The following SLC43A2 variants were observed in gnomAD, a reference collection of about 807,000 sequenced individuals.
SLC43A2 encodes large neutral amino acids transporter small subunit 4.
A neutral mutation model predicts 63.2 loss-of-function variants in SLC43A2; 38 were observed. The ratio of observed to expected loss-of-function variants is 0.60; its 90% CI spans 0.46 to 0.79. The LOEUF is 0.79. Ranked by LOEUF, SLC43A2 falls within the 30% of genes least tolerant of loss-of-function variation. The probability of loss-of-function intolerance (pLI) is 0.00; values close to 1 mark genes in which losing one functional copy is unlikely to be tolerated. For missense variants in SLC43A2, 644 were observed against 756.2 expected, an observed-to-expected ratio of 0.85 and a Z score of 1.74; for synonymous variants, 322 against 331.0, an observed-to-expected ratio of 0.97 and a Z score of 0.30.
intron 13 of SLC43A2, 30 bp from the exon 14 acceptor site, chr17:1,575,795 G>A: frequency 6.3e-7 from 1 of 1,582,710 alleles, no homozygotes; most frequent in Non-Finnish European, 8.6e-7. Flanking sequence ...GCGCATCACA[G>A]GGCGTGGTGG....
At chr17:1,576,073 C>CTTTTTT (rs56013428) in intron 13 of SLC43A2, among the ~76,000 whole-genome samples, 5 of 81,532 alleles carry the variant, frequency 6.1e-5, no homozygotes, top group Non-Finnish European at 9.5e-5. Context: ...GAACTGTGTT[C>CTTTTTT]TTTTTTTTTT....
rs1290717620 is a variant in SLC43A2 at position 1,577,848 on chromosome 17, C to T, written c.1424+402G>A. ...GGACTCAGTCACCCATGTTGCTGCC[C>T]GTGATGAGGGCAACTGGAACTTCCG... On this transcript the variant is annotated intron_variant, in intron 12 of 13. Coordinates refer to ENST00000301335, the MANE Select transcript of SLC43A2 (RefSeq NM_152346.3). The surrounding 1 kb of genome is among the most constrained non-coding windows in gnomAD (Gnocchi z 4.9). Among the ~76,000 whole-genome samples the T allele has an allele frequency of 1.3e-5, 2 of 152,164 alleles. No individual in the cohort carries two copies. Among genetic ancestry groups the T allele is most frequent in the African/African-American group, 2.4e-5 (1 of 41,430 alleles).
At chr17:1,576,840 A>C in intron 12 of SLC43A2, 120 bp from the exon 13 acceptor site, 1 of 1,060,240 alleles carries the variant, frequency 9.4e-7, no homozygotes, top group Non-Finnish European at 1.3e-6. Context: ...CAGCCCTCGG[A>C]TTCCTTCCTG....
In SLC43A2 at chr17:1,586,057, G is replaced by A; in HGVS notation, c.1079-6C>T. ...GATGGAGGTGTAGAGGCCAACTGTG[G>A]AGGAAGGCGCTGCGTCATGGGGACG... is the stretch of plus-strand genomic sequence containing the variant. On this transcript the variant is annotated splice_region_variant and splice_polypyrimidine_tract_variant and intron_variant, in intron 9 of 13. Transcript: ENST00000301335. 3 of 1,582,662 alleles carry A rather than the reference G, an allele frequency of 1.9e-6. No individual in the cohort carries two copies. Among genetic ancestry groups the A allele is most frequent in the Non-Finnish European group, 2.6e-6 (3 of 1,164,710 alleles).
chr17:1,616,686 G>A lies in SLC43A2; in HGVS notation c.244C>T (p.Gln82Ter). 6.2e-7 allele frequency: 1 copy of A among 1,614,108 alleles called. No homozygotes were observed. Among genetic ancestry groups the A allele is most frequent in the Non-Finnish European group, 8.5e-7 (1 of 1,180,036 alleles). ...AAATTTAGCATCTCGTCCTGGGCCT[G>A]GCAGCTGAGCCAGCCGTTCATCCAG... ...VSWMNGWLSC[Q>*]AQDEMLNLAF... The change falls in exon 3 of 14, where the codon CAG becomes TAG. Residue 82 changes from glutamine (Q) to a stop codon, truncating the protein, a stop_gained. Coordinates refer to ENST00000301335, the MANE Select transcript of SLC43A2 (RefSeq NM_152346.3). LOFTEE classifies it high-confidence loss of function.
intron 6 of SLC43A2, among the ~76,000 whole-genome samples, chr17:1,592,903 G>A (rs1456875015): frequency 6.6e-6 from 1 of 152,212 alleles, no homozygotes; most frequent in African/African-American, 2.4e-5. Context: ...ACGGGGGCAA[G>A]ACTCACAACT....
In SLC43A2 at chr17:1,615,653, C is replaced by T. The variant is rs999582005; in HGVS notation, c.369-619G>A. ...GGTCAGGAGATCGAGACCATCCTGG[C>T]TAACACAGTGAAACCCCGTCTCTAC... is the stretch of plus-strand genomic sequence containing the variant. On this transcript the variant is annotated intron_variant, in intron 3 of 13. Coordinates refer to ENST00000301335, the MANE Select transcript of SLC43A2 (RefSeq NM_152346.3). 6.9e-4 allele frequency among the ~76,000 whole-genome samples: 104 copies of T among 149,982 alleles called. 1 individual carries two copies. The highest frequency in any genetic ancestry group is 1.4e-3 in the Admixed American group (21 of 15,068).
At chr17:1,604,931 CGCGGT>C in intron 5 of SLC43A2, 1 of 1,522,246 alleles carries the variant, frequency 6.6e-7, no homozygotes, top group Non-Finnish European at 8.8e-7. Flanking sequence ...TGTTCGAAGC[CGCGGT>C]GCCGGAGTGA....
At position 1,570,477 on chromosome 17, in the gene SLC43A2, T is replaced by TG. The variant is rs1231255783; in HGVS notation, c.*5126dup. 1 of 151,346 alleles carries TG rather than the reference T, an allele frequency of 6.6e-6. No homozygotes were observed. The highest frequency in any genetic ancestry group is 2.4e-5 in the African/African-American group (1 of 41,084). The allele number at this position is 151,346 out of a possible 1,614,324, so 9.4% of individuals were successfully genotyped here. A position where few individuals can be genotyped will look rare whatever the true frequency, so the allele number is the denominator to read the frequency against. On this transcript the variant is annotated 3_prime_UTR_variant, in exon 14 of 14. Coordinates refer to ENST00000301335, the MANE Select transcript of SLC43A2 (RefSeq NM_152346.3). ...CCTTCTTCCTGGGCACTGAAAACGA[T>TG]GCTACCATTGTTTTTTTTTTTTTTT...
chr17:1,600,293 G>C (rs1243982324), intron 5 of SLC43A2, among the ~76,000 whole-genome samples: 1 of 141,088 alleles, frequency 7.1e-6, no homozygotes, highest in African/African-American at 2.6e-5. Context: ...CAGGGTTACA[G>C]GTGCCTGCCA....
At chr17:1,592,404 G>A (rs1904905226) in intron 6 of SLC43A2, among the ~76,000 whole-genome samples, 1 of 152,238 alleles carries the variant, frequency 6.6e-6, no homozygotes. Context: ...TCCAACCTGG[G>A]CGACAGAGCA....
chr17:1,578,144 C>T lies in SLC43A2; in HGVS notation c.1424+106G>A. 1 of 1,141,152 alleles carries T rather than the reference C, an allele frequency of 8.8e-7. No individual in the cohort carries two copies. The highest frequency in any genetic ancestry group is 1.9e-5 in the Admixed American group (1 of 53,524). The allele number at this position is 1,141,152 out of a possible 1,614,324, so 70.7% of individuals were successfully genotyped here. A position where few individuals can be genotyped will look rare whatever the true frequency, so the allele number is the denominator to read the frequency against. On this transcript the variant is annotated intron_variant, in intron 12 of 13. Transcript: ENST00000301335. The surrounding 1 kb of genome is among the most constrained non-coding windows in gnomAD (Gnocchi z 6.5). Reference sequence around the variant, plus strand: ...CCCTGAAGCAGGAAGATGAGCCCTTCTGGGACAGGCTGACCCTGCCTCAGA... The same window carrying T: ...CCCTGAAGCAGGAAGATGAGCCCTTTTGGGACAGGCTGACCCTGCCTCAGA...
chr17:1,570,622 G>A lies in SLC43A2; in HGVS notation c.*4982C>T, dbSNP rs377513131. 4 of 149,628 alleles carry A rather than the reference G, an allele frequency of 2.7e-5. No homozygotes were observed. The East Asian group carries it at 7.9e-4, about 29-fold the overall frequency. 9.3% of individuals were successfully genotyped at this position (149,628 alleles called of 1,614,324 possible). ...CTGCCTCAGCCTCCCAAGTAGCTGG[G>A]ACTACAGGCGCCCGCCACTACGCCC... On this transcript the variant is annotated 3_prime_UTR_variant, in exon 14 of 14. Coordinates refer to ENST00000301335, the MANE Select transcript of SLC43A2 (RefSeq NM_152346.3).
intron 9 of SLC43A2, among the ~76,000 whole-genome samples, chr17:1,587,683 G>A (rs563112080): frequency 6.6e-6 from 1 of 152,150 alleles, no homozygotes; most frequent in Non-Finnish European, 1.5e-5. Context: ...TCCAGGCCTC[G>A]TTTTTCAGGT....
At chr17:1,616,825 G>T in intron 2 of SLC43A2, 56 bp from the exon 3 acceptor site, 1 of 1,585,854 alleles carries the variant, frequency 6.3e-7, no homozygotes. Context: ...GATTCCCAAA[G>T]ATCAGAAGGG....
chr17:1,592,024 T>C (rs55883231), intron 6 of SLC43A2, among the ~76,000 whole-genome samples: 60,264 of 152,048 alleles, frequency 0.4, 12,403 homozygotes, highest in East Asian at 0.54. Flanking sequence ...GTGCTCCTGG[T>C]CCGTCGGCTT....
In SLC43A2 at chr17:1,593,357, G is replaced by A. The variant is rs572666379; in HGVS notation, c.502-78C>T. ...GGAGGAGGAGGGGACAGAGAACTAG[G>A]CCCCATGAGGCCCCTTCTTCACCTG... On this transcript the variant is annotated intron_variant, in intron 5 of 13. Coordinates refer to ENST00000301335, the MANE Select transcript of SLC43A2 (RefSeq NM_152346.3). This position sits in a 1 kb window ranked among gnomAD's most constrained non-coding sequence, Gnocchi z 5.3. 1.0e-4 allele frequency: 127 copies of A among 1,252,650 alleles called. No individual in the cohort carries two copies. The African/African-American group carries it at 1.7e-3, about 17-fold the overall frequency. The allele number at this position is 1,252,650 out of a possible 1,614,324, so 77.6% of individuals were successfully genotyped here.
rs567455665 is a variant in SLC43A2 at position 1,607,972 on chromosome 17, T to C, written c.501+5223A>G. Among the ~76,000 whole-genome samples the C allele has an allele frequency of 9.1e-4, 138 of 152,238 alleles. 1 individual carries two copies. The highest frequency in any genetic ancestry group is 3.0e-3 in the African/African-American group (126 of 41,544). ...CTCAGGTGATCCACCCGCCTCAGCC[T>C]CCCAAAGTGCTGGGGTTACAGGCGT... On this transcript the variant is annotated intron_variant, in intron 5 of 13. Coordinates refer to ENST00000301335, the MANE Select transcript of SLC43A2 (RefSeq NM_152346.3).
At chr17:1,622,978 C>T (rs965981187) in intron 2 of SLC43A2, among the ~76,000 whole-genome samples, 12 of 152,098 alleles carry the variant, frequency 7.9e-5, no homozygotes, top group Admixed American at 5.2e-4. Context: ...TGGTGGCAGG[C>T]GCCTGTAATC....
Sources: allele counts gnomAD v4.1 joint callset (sites outside exome capture counted in the v4.1 genomes callset), GRCh38; gene constraint gnomAD v4.1.1; non-coding constraint Gnocchi (gnomAD v3.1); transcripts MANE v1.5; gene names NCBI Gene and HGNC (gene_info 2026-07-23, HGNC 2026-07-21).